SLC1A4: variants seen among roughly 807,000 people sequenced by gnomAD.
SLC1A4 encodes the protein neutral amino acid transporter A.
A neutral mutation model predicts 37.7 loss-of-function variants in SLC1A4; 19 were observed. The ratio of observed to expected loss-of-function variants is 0.50; its 90% confidence interval spans 0.35 to 0.74. The LOEUF is 0.74. Ranked by LOEUF, SLC1A4 falls within the 30% of genes least tolerant of loss-of-function variation. SLC1A4 has a pLI of 0.01. For synonymous variants in SLC1A4, 299 were observed against 309.8 expected (o/e 0.97, Z 0.37); for missense variants, 570 against 712.9 (o/e 0.80, Z 2.28).
rs141966257 is a variant in SLC1A4 at position 64,997,288 on chromosome 2, A to G, written c.528-4160A>G. Among the ~76,000 whole-genome samples the G allele has an allele frequency of 6.7e-3, 1,015 of 152,346 alleles. 9 individuals carry two copies. Among genetic ancestry groups the G allele is most frequent in the Non-Finnish European group, 9.2e-3 (629 of 68,028 alleles). The stretch of plus-strand genomic sequence containing the variant: ...ATTTTTTAGTTGGAAAATCTCTAAC[A>G]GTTATTACCATACTTTTTTATATAA... On this transcript the variant is annotated intron_variant, in intron 1 of 7. Coordinates refer to ENST00000234256, the MANE Select transcript of SLC1A4 (RefSeq NM_003038.5).
At chr2:65,015,343 T>A (rs1396031182) in intron 4 of SLC1A4, among the ~76,000 whole-genome samples, 1 of 152,202 alleles carries the variant, frequency 6.6e-6, no homozygotes, top group African/African-American at 2.4e-5. Context: ...TTTTACCACA[T>A]TAAAAAATGA....
chr2:65,018,701 C>T lies in SLC1A4; in HGVS notation c.1364+22C>T, dbSNP rs749885190. 2 of 1,613,054 alleles carry T rather than the reference C, an allele frequency of 1.2e-6. No homozygotes were observed. The highest frequency in any genetic ancestry group is 2.2e-5 in the East Asian group (1 of 44,876). ...TTGTGTAAGTAACAAGTCCTGAGAACACCAAAAAGAGTCTGCACTGAGTTC... is the reference window on the plus strand; with the variant it reads ...TTGTGTAAGTAACAAGTCCTGAGAATACCAAAAAGAGTCTGCACTGAGTTC... On this transcript the variant is annotated intron_variant, in intron 7 of 7. Transcript: ENST00000234256. This position sits in a 1 kb window ranked among gnomAD's most constrained non-coding sequence, Gnocchi z 4.3.
chr2:65,014,674 C>T (rs1471165485), intron 4 of SLC1A4, among the ~76,000 whole-genome samples: 3 of 152,220 alleles, frequency 2.0e-5, no homozygotes, highest in African/African-American at 7.2e-5. Context: ...GGAATAACCA[C>T]TTTGGAGAAC....
intron 1 of SLC1A4, among the ~76,000 whole-genome samples, chr2:64,995,478 G>C (rs1412657209): frequency 3.3e-5 from 5 of 152,156 alleles, no homozygotes; most frequent in Non-Finnish European, 7.3e-5. Context: ...CCCACTCCAG[G>C]GGTTCAGCCT....
upstream of SLC1A4, chr2:64,989,389 CGTTT>C: frequency 5.6e-6 from 2 of 356,540 alleles, no homozygotes; most frequent in Non-Finnish European, 1.0e-5. Context: ...TCGCGGCTCC[CGTTT>C]GCATCATCTC....
chr2:65,010,971 C>T (rs1484765405), intron 4 of SLC1A4, among the ~76,000 whole-genome samples: 1 of 152,184 alleles, frequency 6.6e-6, no homozygotes, highest in African/African-American at 2.4e-5. Flanking sequence ...GCCAGGCATG[C>T]ACCACACTTA....
intron 4 of SLC1A4, among the ~76,000 whole-genome samples, chr2:65,014,616 T>C (rs772178268): frequency 1.8e-4 from 27 of 152,250 alleles, no homozygotes; most frequent in Non-Finnish European, 2.9e-4. Context: ...AGAACCACTG[T>C]TGCAGAGGGA....
chr2:64,990,389 A>G (rs776820332), intron 1 of SLC1A4, among the ~76,000 whole-genome samples: 1 of 152,200 alleles, frequency 6.6e-6, no homozygotes, highest in Admixed American at 6.5e-5. Context: ...TCGAAAGAGC[A>G]GGGCCGCATC....
chr2:65,018,174 G>T lies in SLC1A4; in HGVS notation c.1138G>T (p.Asp380Tyr). Reference protein sequence around the residue: ...ILPIGATVNMDGAAIFQCVAA... With the variant: ...ILPIGATVNMYGAAIFQCVAA... Reference sequence around the variant, plus strand: ...CCCCATCGGGGCCACCGTGAACATGGACGGAGCAGCCATCTTCCAGTGTGT... The same window carrying T: ...CCCCATCGGGGCCACCGTGAACATGTACGGAGCAGCCATCTTCCAGTGTGT... The change falls in exon 6 of 8, where the codon GAC becomes TAC. Residue 380 changes from aspartate (D) to tyrosine (Y), a missense_variant. By Grantham distance (160) the Asp-to-Tyr change is radical. Coordinates refer to ENST00000234256, the MANE Select transcript of SLC1A4 (RefSeq NM_003038.5). This position sits in a 1 kb window ranked among gnomAD's most constrained non-coding sequence, Gnocchi z 4.3. 6.2e-7 allele frequency: 1 copy of T among 1,614,198 alleles called. No individual in the cohort carries two copies. The highest frequency in any genetic ancestry group is 8.5e-7 in the Non-Finnish European group (1 of 1,180,036).
chr2:64,989,025 A>T (rs1306995461), upstream of SLC1A4, among the ~76,000 whole-genome samples: 1 of 151,774 alleles, frequency 6.6e-6, no homozygotes, highest in Non-Finnish European at 1.5e-5. Context: ...GAGGACTCAG[A>T]TCCCGGCCGC....
chr2:65,007,748 G>A (rs1386643207), intron 3 of SLC1A4, among the ~76,000 whole-genome samples: 1 of 152,166 alleles, frequency 6.6e-6, no homozygotes, highest in Admixed American at 6.5e-5. Context: ...ATGTGATAAT[G>A]TAATACATTA....
At chr2:65,017,825 C>G (rs966817441) in intron 5 of SLC1A4, among the ~76,000 whole-genome samples, 1 of 152,170 alleles carries the variant, frequency 6.6e-6, no homozygotes, top group African/African-American at 2.4e-5. Flanking sequence ...ACTTGGAACA[C>G]GTGAATCCAA....
chr2:64,997,272 T>C (rs373644109), intron 1 of SLC1A4, among the ~76,000 whole-genome samples: 1 of 152,220 alleles, frequency 6.6e-6, no homozygotes, highest in Non-Finnish European at 1.5e-5. Flanking sequence ...TATTTTTTAG[T>C]TGGAAAATCT....
At chr2:65,014,045 G>A (rs1674026669) in intron 4 of SLC1A4, among the ~76,000 whole-genome samples, 1 of 152,210 alleles carries the variant, frequency 6.6e-6, no homozygotes, top group Non-Finnish European at 1.5e-5. Context: ...AGGAAAGAAA[G>A]AGAGGAGTCT....
intron 2 of SLC1A4, among the ~76,000 whole-genome samples, chr2:65,002,883 A>T (rs888693790): frequency 1.3e-5 from 2 of 151,894 alleles, no homozygotes; most frequent in African/African-American, 4.8e-5. Context: ...GTCTCCTATG[A>T]CCATTCTTTA....
chr2:65,002,928 G>T (rs1421981786), intron 2 of SLC1A4, among the ~76,000 whole-genome samples: 1 of 152,034 alleles, frequency 6.6e-6, no homozygotes, highest in African/African-American at 2.4e-5. Flanking sequence ...AGATTATATG[G>T]TCTAATCTGA....
intron 2 of SLC1A4, among the ~76,000 whole-genome samples, chr2:65,002,570 C>CTTTTTTTTTTT (rs70937394): frequency 8.5e-5 from 5 of 59,048 alleles, no homozygotes; most frequent in Admixed American, 2.7e-4. Context: ...TGTGACCATT[C>CTTTTTTTTTTT]TTTTTTTTTT....
chr2:65,001,493 A>C lies in SLC1A4; in HGVS notation c.570+3A>C. ...TTGTGGTTGCAGCTTTCCGTACGGT[A>C]AGGCTTGATACTTTGCTAAAAATAT... On this transcript the variant is annotated splice_donor_region_variant and intron_variant, in intron 2 of 7. Coordinates refer to ENST00000234256, the MANE Select transcript of SLC1A4 (RefSeq NM_003038.5). 6.2e-7 allele frequency: 1 copy of C among 1,613,044 alleles called. No homozygotes were observed. The highest frequency in any genetic ancestry group is 8.5e-7 in the Non-Finnish European group (1 of 1,178,992).
intron 1 of SLC1A4, among the ~76,000 whole-genome samples, chr2:64,995,830 T>C (rs947780279): frequency 2.0e-5 from 3 of 152,222 alleles, no homozygotes; most frequent in African/African-American, 7.2e-5. Context: ...TACATTCTTT[T>C]CATATAGAAC....
Sources: gnomAD v4.1 joint callset for allele counts (sites outside exome capture counted in the v4.1 genomes callset) on GRCh38, gnomAD v4.1.1 for gene constraint, Gnocchi (gnomAD v3.1) non-coding constraint, MANE v1.5 for transcripts, NCBI Gene and HGNC (gene_info 2026-07-23, HGNC 2026-07-21) for gene names.